The following FMNL2 variants were observed in gnomAD, a reference collection of about 807,000 sequenced individuals.
FMNL2 encodes formin-like protein 2.
Under a neutral mutation model 130.2 loss-of-function variants are expected in FMNL2, and 51 were observed. The observed-to-expected ratio is 0.39, with a 90% CI of 0.31 to 0.49. The LOEUF is 0.49. Among genes scored for constraint, FMNL2 ranks in the 20% least tolerant of loss-of-function variants. The pLI is 0.85. For synonymous variants in FMNL2, 465 were observed against 467.1 expected (o/e 1.00, Z 0.06); for missense variants, 977 against 1,316.2 (o/e 0.74, Z 3.99).
intron 15 of FMNL2, among the ~76,000 whole-genome samples, chr2:152,624,764 G>A (rs1323786061): frequency 4.6e-5 from 7 of 152,196 alleles, no homozygotes; most frequent in Non-Finnish European, 1.0e-4. Flanking sequence ...CCGAGCCTGG[G>A]AGGTCAAGGC....
chr2:152,639,840 AACCTTCCAT>A, intron 23 of FMNL2, 109 bp from the exon 24 acceptor site: 2 of 621,402 alleles, frequency 3.2e-6, no homozygotes, highest in East Asian at 3.6e-5. Context: ...AGATCTTCTC[AACCTTCCAT>A]TTATTGTAAT....
At chr2:152,636,331 C>T in intron 21 of FMNL2, 96 bp from the exon 22 acceptor site, 1 of 1,347,638 alleles carries the variant, frequency 7.4e-7, no homozygotes, top group Non-Finnish European at 1.0e-6. Context: ...CTTGAGTAAG[C>T]CTAAGAATCT....
At chr2:152,412,234 T>C (rs371372853) in intron 1 of FMNL2, among the ~76,000 whole-genome samples, 1 of 151,798 alleles carries the variant, frequency 6.6e-6, no homozygotes, top group African/African-American at 2.4e-5. Flanking sequence ...CTGATGAAAG[T>C]TGCCCTTGTG....
At chr2:152,547,005 G>GC in intron 3 of FMNL2, among the ~76,000 whole-genome samples, 1 of 151,108 alleles carries the variant, frequency 6.6e-6, no homozygotes, top group Non-Finnish European at 1.5e-5. Context: ...GAGTGCAGTG[G>GC]CCCGATTTCG....
At chr2:152,360,695 CA>C (rs1203027981) in intron 1 of FMNL2, among the ~76,000 whole-genome samples, 1 of 152,152 alleles carries the variant, frequency 6.6e-6, no homozygotes, top group Non-Finnish European at 1.5e-5. Flanking sequence ...AAACAAGCTT[CA>C]TAAAACAATT....
chr2:152,544,014 T>C (rs543085553), intron 3 of FMNL2, among the ~76,000 whole-genome samples: 1 of 152,328 alleles, frequency 6.6e-6, no homozygotes, highest in South Asian at 2.1e-4. Flanking sequence ...TGTCAGGTCT[T>C]ACACCTGCAA....
intron 1 of FMNL2, among the ~76,000 whole-genome samples, chr2:152,408,858 T>C (rs1481311235): frequency 1.3e-5 from 2 of 152,202 alleles, no homozygotes; most frequent in Non-Finnish European, 2.9e-5. Context: ...CTACTGAATA[T>C]ATATCGCTTT....
intron 1 of FMNL2, among the ~76,000 whole-genome samples, chr2:152,464,852 A>G: frequency 6.6e-6 from 1 of 152,148 alleles, no homozygotes; most frequent in East Asian, 1.9e-4. Flanking sequence ...AGCGAAGTGG[A>G]GGGTTCTGTG....
At position 152,627,523 on chromosome 2, in the gene FMNL2, G is replaced by C. The variant is rs1329378001; in HGVS notation, c.2166-776G>C. Reference sequence around the variant, plus strand: ...GTTCCAATTTTGTGTCCTCAACCAGGGTCATAATCTGGTAGTCCAGTGCCT... The same window carrying C: ...GTTCCAATTTTGTGTCCTCAACCAGCGTCATAATCTGGTAGTCCAGTGCCT... On this transcript the variant is annotated intron_variant, in intron 17 of 25. Coordinates refer to ENST00000288670, the MANE Select transcript of FMNL2 (RefSeq NM_052905.4). 3.3e-5 allele frequency among the ~76,000 whole-genome samples: 5 copies of C among 152,268 alleles called. No individual in the cohort carries two copies. In the East Asian group the frequency reaches 9.6e-4, roughly 29 times the overall value.
In FMNL2 at chr2:152,640,179, G is replaced by A. The variant is rs577290421; in HGVS notation, c.3045+123G>A. 1.1e-4 allele frequency: 80 copies of A among 728,480 alleles called. No individual in the cohort carries two copies. The South Asian group carries it at 1.6e-3, about 14-fold the overall frequency. 45.1% of individuals were successfully genotyped at this position (728,480 alleles called of 1,614,324 possible). On this transcript the variant is annotated intron_variant, in intron 24 of 25. Coordinates refer to ENST00000288670, the MANE Select transcript of FMNL2 (RefSeq NM_052905.4). Reference sequence around the variant, plus strand: ...AGGATCCTGACCACTTCCTTCTGGTGCCTGGACACTTGGCAAATGGAAATA... The same window carrying A: ...AGGATCCTGACCACTTCCTTCTGGTACCTGGACACTTGGCAAATGGAAATA...
intron 1 of FMNL2, among the ~76,000 whole-genome samples, chr2:152,394,422 C>A (rs371382490): frequency 3.9e-5 from 6 of 152,010 alleles, no homozygotes; most frequent in African/African-American, 1.4e-4. Flanking sequence ...ACCTTTGATT[C>A]TAGATTTACA....
intron 1 of FMNL2, among the ~76,000 whole-genome samples, chr2:152,340,784 C>G: frequency 6.6e-6 from 1 of 152,124 alleles, no homozygotes; most frequent in Middle Eastern, 3.4e-3. Flanking sequence ...CTCTGCTACC[C>G]GGGTTCAAGT....
chr2:152,476,691 T>TA (rs70974865), intron 1 of FMNL2, among the ~76,000 whole-genome samples: 18,087 of 143,044 alleles, frequency 0.13, 1,302 homozygotes, highest in East Asian at 0.28. Context: ...GACCCTGTCT[T>TA]AAAAAAAAAA....
In FMNL2 at chr2:152,376,927, C is replaced by T. The variant is rs369761139; in HGVS notation, c.117+41207C>T. Among the ~76,000 whole-genome samples the T allele has an allele frequency of 4.6e-5, 7 of 152,164 alleles. No homozygotes were observed. The East Asian group carries it at 7.7e-4, about 17-fold the overall frequency. ...GCATGTGATCAAGCAAACAACAAAA[C>T]TCTGAGGATTAGAGGACTGATAGAG... is the stretch of plus-strand genomic sequence containing the variant. On this transcript the variant is annotated intron_variant, in intron 1 of 25. Coordinates refer to ENST00000288670, the MANE Select transcript of FMNL2 (RefSeq NM_052905.4).
chr2:152,337,456 C>T (rs1313982704), intron 1 of FMNL2, among the ~76,000 whole-genome samples: 1 of 151,250 alleles, frequency 6.6e-6, no homozygotes, highest in Non-Finnish European at 1.5e-5. Context: ...GCCAGTGACA[C>T]AGGGAAACCA....
intron 1 of FMNL2, among the ~76,000 whole-genome samples, chr2:152,462,876 T>G (rs1452692328): frequency 6.6e-6 from 1 of 152,232 alleles, no homozygotes; most frequent in Non-Finnish European, 1.5e-5. Context: ...AATTCGTGGC[T>G]TGTTTTCTCT....
At chr2:152,343,218 G>A (rs192230361) in intron 1 of FMNL2, among the ~76,000 whole-genome samples, 10 of 152,334 alleles carry the variant, frequency 6.6e-5, no homozygotes, top group Admixed American at 2.0e-4. Context: ...ATCCCCAGAA[G>A]TAATCTCACT....
intron 12 of FMNL2, among the ~76,000 whole-genome samples, chr2:152,615,460 A>G (rs905876557): frequency 1.3e-5 from 2 of 152,204 alleles, no homozygotes; most frequent in Admixed American, 6.5e-5. Context: ...TCAAATTCTT[A>G]ATAGAGTCAT....
At chr2:152,531,544 G>A (rs1320665078) in intron 2 of FMNL2, among the ~76,000 whole-genome samples, 2 of 151,474 alleles carry the variant, frequency 1.3e-5, no homozygotes, top group South Asian at 4.2e-4. Flanking sequence ...GCACGATGTC[G>A]GATCATTGCA....
Sources: gnomAD v4.1 joint callset for allele counts (sites outside exome capture counted in the v4.1 genomes callset) on GRCh38, gnomAD v4.1.1 for gene constraint, MANE v1.5 for transcripts, NCBI Gene and HGNC (gene_info 2026-07-23, HGNC 2026-07-21) for gene names.